Variants in NSD3 observed in about 807,000 individuals in gnomAD.
The protein encoded by NSD3 is nuclear receptor binding SET domain protein 3.
NSD3 carries 24 observed loss-of-function variants against 160.8 expected under a neutral mutation model. The observed-to-expected ratio is 0.15, with a 90% CI of 0.11 to 0.21. The LOEUF is 0.21. Ranked by LOEUF, NSD3 falls within the 10% of genes least tolerant of loss-of-function variation. The pLI is 1.00. For missense variants in NSD3, 1,157 were observed against 1,735.9 expected (o/e 0.67, Z 5.93); for synonymous variants, 520 against 600.0 (o/e 0.87, Z 1.95).
intron 2 of NSD3, among the ~76,000 whole-genome samples, chr8:38,342,306 A>C (rs1275815862): frequency 6.6e-6 from 1 of 152,230 alleles, no homozygotes; most frequent in Non-Finnish European, 1.5e-5. Context: ...AGTTTAAGAC[A>C]TTAAAATTAA....
chr8:38,323,043 T>G (rs56300324), intron 7 of NSD3, among the ~76,000 whole-genome samples: 27,119 of 152,060 alleles, frequency 0.18, 3,085 homozygotes, highest in East Asian at 0.31. Flanking sequence ...CTAAATTAAG[T>G]TTTTTTTCTT....
chr8:38,354,392 C>T (rs1810772891), intron 1 of NSD3, among the ~76,000 whole-genome samples: 1 of 152,166 alleles, frequency 6.6e-6, no homozygotes, highest in South Asian at 2.1e-4. Context: ...GATTTAAATA[C>T]ACACAAACAC....
intron 1 of NSD3, among the ~76,000 whole-genome samples, chr8:38,375,070 A>G (rs1811356521): frequency 6.6e-6 from 1 of 152,212 alleles, no homozygotes; most frequent in Non-Finnish European, 1.5e-5. Context: ...ACATTTTTAA[A>G]AAGCCAAGTT....
At position 38,366,066 on chromosome 8, in the gene NSD3, G is replaced by A. The variant is rs555848667; in HGVS notation, c.-45+15733C>T. Reference sequence around the variant, plus strand: ...GCGAAGGTTGCAGTGGGCCAAGATCGCACCTCTGCACGCCAGTCTGGGTGA... The same window carrying A: ...GCGAAGGTTGCAGTGGGCCAAGATCACACCTCTGCACGCCAGTCTGGGTGA... On this transcript the variant is annotated intron_variant, in intron 1 of 23. Coordinates refer to ENST00000317025, the MANE Select transcript of NSD3 (RefSeq NM_023034.2). Among the ~76,000 whole-genome samples the A allele has an allele frequency of 1.2e-4, 17 of 138,776 alleles. No individual in the cohort carries two copies. In the Admixed American group the frequency reaches 1.4e-3, roughly 11 times the overall value. The allele number at this position is 138,776 out of a possible 152,430, so 91.0% of individuals were successfully genotyped here.
intron 1 of NSD3, among the ~76,000 whole-genome samples, chr8:38,349,139 T>C (rs952561719): frequency 2.8e-4 from 42 of 152,306 alleles, no homozygotes; most frequent in African/African-American, 9.1e-4. Flanking sequence ...CTTATTTAAC[T>C]TAACAATATA....
intron 19 of NSD3, among the ~76,000 whole-genome samples, chr8:38,282,683 C>CA (rs889908476): frequency 1.3e-5 from 2 of 150,640 alleles, no homozygotes; most frequent in African/African-American, 2.4e-5. Flanking sequence ...CTCAAAAAAC[C>CA]AAAAAAACAA....
chr8:38,279,316 C>G (rs1299839900), intron 21 of NSD3, among the ~76,000 whole-genome samples: 1 of 152,258 alleles, frequency 6.6e-6, no homozygotes, highest in Non-Finnish European at 1.5e-5. Flanking sequence ...CATAAAAGTT[C>G]TCACTAAATT....
At chr8:38,343,211 A>T (rs994579170) in intron 2 of NSD3, among the ~76,000 whole-genome samples, 1 of 152,072 alleles carries the variant, frequency 6.6e-6, no homozygotes, top group Non-Finnish European at 1.5e-5. Flanking sequence ...AAGATTAGTA[A>T]TACACATCAA....
At position 38,317,889 on chromosome 8, in the gene NSD3, G is replaced by T; in HGVS notation, c.1855+1006C>A. On this transcript the variant is annotated intron_variant, in intron 9 of 23. Transcript: ENST00000317025. This position sits in a 1 kb window ranked among gnomAD's most constrained non-coding sequence, Gnocchi z 5.3. ...AAACAAAGAAACTGTTTATCAAGCC[G>T]CCGACAAAGAAATCTTGCATGGAGA... 1 of 1,600,672 alleles carries T rather than the reference G, an allele frequency of 6.2e-7. No homozygotes were observed. The highest frequency in any genetic ancestry group is 8.5e-7 in the Non-Finnish European group (1 of 1,173,332).
chr8:38,334,848 A>G (rs1015910061), intron 4 of NSD3, among the ~76,000 whole-genome samples: 1 of 152,078 alleles, frequency 6.6e-6, no homozygotes, highest in Non-Finnish European at 1.5e-5. Flanking sequence ...AAATAATTTA[A>G]ATTTTTATTA....
chr8:38,284,026 C>T (rs986581108), intron 19 of NSD3, among the ~76,000 whole-genome samples: 2 of 152,090 alleles, frequency 1.3e-5, no homozygotes, highest in South Asian at 2.1e-4. Flanking sequence ...TCACTTGAGC[C>T]CGAGAGTTCA....
At chr8:38,355,027 G>A (rs1424142507) in intron 1 of NSD3, among the ~76,000 whole-genome samples, 5 of 151,998 alleles carry the variant, frequency 3.3e-5, no homozygotes, top group Non-Finnish European at 7.4e-5. Flanking sequence ...GATTTTTATG[G>A]GCAGCGGAGT....
rs564572719 is a variant in NSD3, at chr8:38,337,812, CA to C, written c.748-346del. On this transcript the variant is annotated intron_variant, in intron 3 of 23. Transcript: ENST00000317025. ...AAAGGGTCAAAAAACATCAGAAATT[CA>C]AAAAAAGAAACTATGTATAAAGTAC... Among the ~76,000 whole-genome samples, 18 of 151,864 alleles carry C rather than the reference CA, an allele frequency of 1.2e-4. No individual in the cohort carries two copies. In the South Asian group the frequency reaches 3.5e-3, roughly 30 times the overall value.
In NSD3 at chr8:38,282,628, G is replaced by A. The variant is rs1331611000; in HGVS notation, c.3502-1045C>T. 7.2e-5 allele frequency among the ~76,000 whole-genome samples: 11 copies of A among 152,102 alleles called. No individual in the cohort carries two copies. The East Asian group carries it at 1.9e-3, about 27-fold the overall frequency. Reference sequence around the variant, plus strand: ...AGAGGCTGCAGAGGGCCGAGATCGCGCCACTGCCCTCCAGCCTGGGTGACA... The same window carrying A: ...AGAGGCTGCAGAGGGCCGAGATCGCACCACTGCCCTCCAGCCTGGGTGACA... On this transcript the variant is annotated intron_variant, in intron 19 of 23. Transcript: ENST00000317025.
intron 19 of NSD3, among the ~76,000 whole-genome samples, chr8:38,283,045 A>G (rs951462329): frequency 3.3e-5 from 5 of 152,116 alleles, no homozygotes; most frequent in Admixed American, 2.0e-4. Context: ...CTGCCAAACT[A>G]TTGTCCAGAG....
intron 4 of NSD3, among the ~76,000 whole-genome samples, chr8:38,334,413 C>G (rs1007676858): frequency 2.6e-5 from 4 of 152,106 alleles, no homozygotes; most frequent in African/African-American, 9.7e-5. Context: ...GATGGTTGCA[C>G]AACTCTGTGA....
At chr8:38,290,335 T>G (rs1808972837) in intron 17 of NSD3, 140 bp downstream of exon 17, 6 of 842,096 alleles carry the variant, frequency 7.1e-6, no homozygotes, top group Non-Finnish European at 1.2e-5. Flanking sequence ...GGTTCTAATG[T>G]GACTGGAAGC....
intron 1 of NSD3, among the ~76,000 whole-genome samples, chr8:38,362,185 G>A (rs1810982573): frequency 7.5e-6 from 1 of 132,748 alleles, no homozygotes; most frequent in Middle Eastern, 4.9e-3. Flanking sequence ...AATTCCCAGA[G>A]CCAACTATAG....
chr8:38,379,157 A>C (rs530105288), intron 1 of NSD3, among the ~76,000 whole-genome samples: 1 of 152,148 alleles, frequency 6.6e-6, no homozygotes, highest in African/African-American at 2.4e-5. Flanking sequence ...TGGACATATT[A>C]ATTGGTTATA....
Sources: gnomAD v4.1 joint callset for allele counts (sites outside exome capture counted in the v4.1 genomes callset) on GRCh38, gnomAD v4.1.1 for gene constraint, Gnocchi (gnomAD v3.1) non-coding constraint, MANE v1.5 for transcripts, NCBI Gene and HGNC (gene_info 2026-07-23, HGNC 2026-07-21) for gene names.